LDLRAD3: variants seen among roughly 807,000 people sequenced by gnomAD.
LDLRAD3 encodes the protein low-density lipoprotein receptor class A domain-containing protein 3.
A neutral mutation model predicts 29.4 loss-of-function variants in LDLRAD3; 20 were observed. That is an observed-to-expected ratio of 0.68 (90% CI 0.48 to 0.99). The LOEUF is 0.99. Ranked by LOEUF, LDLRAD3 falls within the 50% of genes least tolerant of loss-of-function variation. The pLI, the probability that LDLRAD3 is intolerant of heterozygous loss-of-function variation, is 0.00. For synonymous variants in LDLRAD3, 157 were observed against 192.7 expected, an observed-to-expected ratio of 0.81 and a Z score of 1.53; for missense variants, 420 against 454.3, an observed-to-expected ratio of 0.92 and a Z score of 0.69.
chr11:36,051,434 C>T (rs1210953710), intron 2 of LDLRAD3, among the ~76,000 whole-genome samples: 2 of 152,180 alleles, frequency 1.3e-5, no homozygotes, highest in African/African-American at 2.4e-5. Flanking sequence ...CTCTCTGTAC[C>T]TCAGTTGCCA....
chr11:36,103,450 G>A lies in LDLRAD3; in HGVS notation c.454+4989G>A, dbSNP rs192480255. On this transcript the variant is annotated intron_variant, in intron 4 of 5. Coordinates refer to ENST00000315571, the MANE Select transcript of LDLRAD3 (RefSeq NM_174902.4). ...GAGACGGGGTTTCACCGTGTTAGCC[G>A]GGATGGTCTCCATCTCCTGACCTCA... 1.6e-3 allele frequency among the ~76,000 whole-genome samples: 236 copies of A among 151,890 alleles called. 1 individual carries two copies. Among genetic ancestry groups the A allele is most frequent in the African/African-American group, 4.9e-3 (204 of 41,442 alleles).
At chr11:36,066,979 C>T (rs551511105) in intron 2 of LDLRAD3, among the ~76,000 whole-genome samples, 1 of 152,330 alleles carries the variant, frequency 6.6e-6, no homozygotes, top group South Asian at 2.1e-4. Flanking sequence ...CCGCATAGCC[C>T]ATGTCCCAGG....
At chr11:36,106,873 C>G (rs1160575923) in intron 4 of LDLRAD3, among the ~76,000 whole-genome samples, 1 of 152,224 alleles carries the variant, frequency 6.6e-6, no homozygotes, top group Non-Finnish European at 1.5e-5. Context: ...GGATGCGGGG[C>G]TTGCTTTGGC....
intron 1 of LDLRAD3, among the ~76,000 whole-genome samples, chr11:36,017,822 C>G (rs958575067): frequency 6.6e-6 from 1 of 152,298 alleles, no homozygotes; most frequent in East Asian, 1.9e-4. Flanking sequence ...CTACATCTGG[C>G]CCATGTTTCA....
intron 1 of LDLRAD3, among the ~76,000 whole-genome samples, chr11:35,956,653 T>C (rs1644194991): frequency 6.6e-6 from 1 of 152,238 alleles, no homozygotes; most frequent in Admixed American, 6.5e-5. Flanking sequence ...CTTCGTCTGT[T>C]AATAGGTATA....
intron 2 of LDLRAD3, among the ~76,000 whole-genome samples, chr11:36,070,111 G>C (rs1450352904): frequency 6.6e-6 from 1 of 152,206 alleles, no homozygotes; most frequent in Non-Finnish European, 1.5e-5. Context: ...CTATCACAGA[G>C]AGAGCCTGTC....
intron 4 of LDLRAD3, among the ~76,000 whole-genome samples, chr11:36,217,273 T>G (rs1428948604): frequency 1.3e-5 from 2 of 152,176 alleles, no homozygotes; most frequent in Non-Finnish European, 2.9e-5. Flanking sequence ...CAAAAAACAC[T>G]GTGGAGTACC....
At chr11:36,107,143 C>A (rs1411037885) in intron 4 of LDLRAD3, among the ~76,000 whole-genome samples, 1 of 152,092 alleles carries the variant, frequency 6.6e-6, no homozygotes, top group African/African-American at 2.4e-5. Flanking sequence ...TGCTACATAG[C>A]AAAACTGATT....
intron 4 of LDLRAD3, among the ~76,000 whole-genome samples, chr11:36,100,831 AGGT>A (rs1391861528): frequency 2.0e-5 from 3 of 152,142 alleles, no homozygotes; most frequent in Admixed American, 2.0e-4. Context: ...TAAGATGTGG[AGGT>A]TAGGCCTGTC....
chr11:36,132,084 T>G (rs1221882500), intron 4 of LDLRAD3, among the ~76,000 whole-genome samples: 1 of 152,066 alleles, frequency 6.6e-6, no homozygotes, highest in Non-Finnish European at 1.5e-5. Context: ...CTCTGATCCC[T>G]TGGAAACTTA....
chr11:36,085,518 C>T (rs1240532510), intron 3 of LDLRAD3, among the ~76,000 whole-genome samples: 3 of 152,022 alleles, frequency 2.0e-5, no homozygotes, highest in South Asian at 2.1e-4. Flanking sequence ...AAGTATTATA[C>T]GTTTTCTCCT....
At chr11:36,126,944 C>T (rs1438702480) in intron 4 of LDLRAD3, among the ~76,000 whole-genome samples, 1 of 152,160 alleles carries the variant, frequency 6.6e-6, no homozygotes, top group Non-Finnish European at 1.5e-5. Context: ...CAAAATTGTG[C>T]AGAATCAGCC....
At chr11:35,958,300 G>A (rs1298632235) in intron 1 of LDLRAD3, among the ~76,000 whole-genome samples, 4 of 152,212 alleles carry the variant, frequency 2.6e-5, no homozygotes, top group Non-Finnish European at 5.9e-5. Context: ...TTCTGTCATT[G>A]AGGAAAGTTC....
chr11:36,185,828 G>A (rs1432341930), intron 4 of LDLRAD3, among the ~76,000 whole-genome samples: 5 of 152,138 alleles, frequency 3.3e-5, no homozygotes, highest in African/African-American at 1.2e-4. Context: ...AAAACCTCTG[G>A]CTATAAAGCA....
Position 36,184,115 on chromosome 11 carries a change from G to A in LDLRAD3, c.455-42970G>A, listed in dbSNP as rs182551834. ...CGAGTAGCTGGGATTACAGGCATGC[G>A]CTACCACACCCAGCTAATTTTGTAT... On this transcript the variant is annotated intron_variant, in intron 4 of 5. Coordinates refer to ENST00000315571, the MANE Select transcript of LDLRAD3 (RefSeq NM_174902.4). 33 of 213,478 alleles carry A rather than the reference G, an allele frequency of 1.5e-4. 1 individual carries two copies. Among genetic ancestry groups the A allele is most frequent in the South Asian group, 6.1e-4 (12 of 19,678 alleles). The allele number at this position is 213,478 out of a possible 1,614,324, so 13.2% of individuals were successfully genotyped here. A position where few individuals can be genotyped will look rare whatever the true frequency, so the allele number is the denominator to read the frequency against.
chr11:36,006,824 C>G (rs866025433), intron 1 of LDLRAD3, among the ~76,000 whole-genome samples: 1 of 152,236 alleles, frequency 6.6e-6, no homozygotes, highest in Non-Finnish European at 1.5e-5. Context: ...GGCTCAAGCC[C>G]GTGGATTCAG....
chr11:36,133,547 C>CTTTTTTTTTTTTT (rs67935336), intron 4 of LDLRAD3, among the ~76,000 whole-genome samples: 5 of 119,904 alleles, frequency 4.2e-5, no homozygotes, highest in African/African-American at 9.6e-5. Flanking sequence ...TTTTTCTTTT[C>CTTTTTTTTTTTTT]TTTTTTTTTT....
chr11:36,141,503 G>T (rs973757231), intron 4 of LDLRAD3, among the ~76,000 whole-genome samples: 3 of 152,200 alleles, frequency 2.0e-5, no homozygotes, highest in Non-Finnish European at 4.4e-5. Context: ...CCCCATCCCT[G>T]TCCTGAGGTC....
intron 2 of LDLRAD3, among the ~76,000 whole-genome samples, chr11:36,055,074 G>A (rs1342703426): frequency 8.8e-5 from 1 of 11,308 alleles, no homozygotes; most frequent in East Asian, 0.016. Flanking sequence ...TGGATGGATA[G>A]ATGGATGGAT....
Sources: gnomAD v4.1 joint callset for allele counts (sites outside exome capture counted in the v4.1 genomes callset) on GRCh38, gnomAD v4.1.1 for gene constraint, MANE v1.5 for transcripts, NCBI Gene and HGNC (gene_info 2026-07-23, HGNC 2026-07-21) for gene names.